The following STAT4 variants were observed in gnomAD, a reference collection of about 807,000 sequenced individuals.
The protein encoded by STAT4 is signal transducer and activator of transcription 4.
A neutral mutation model predicts 110.5 loss-of-function variants in STAT4; 42 were observed. The observed-to-expected ratio is 0.38, with a 90% CI of 0.30 to 0.49. The LOEUF (loss-of-function observed/expected upper bound fraction) is 0.49. Among genes scored for constraint, STAT4 ranks in the 20% least tolerant of loss-of-function variants. STAT4 has a pLI of 0.95. For missense variants in STAT4, 632 were observed against 887.9 expected, an observed-to-expected ratio of 0.71 and a Z score of 3.66; for synonymous variants, 284 against 302.2, an observed-to-expected ratio of 0.94 and a Z score of 0.63.
At chr2:191,049,921 A>C (rs1476316921) in intron 14 of STAT4, among the ~76,000 whole-genome samples, 1 of 152,212 alleles carries the variant, frequency 6.6e-6, no homozygotes, top group Non-Finnish European at 1.5e-5. Context: ...GTTCAGCGAG[A>C]AATCAACTTG....
intron 3 of STAT4, among the ~76,000 whole-genome samples, chr2:191,087,382 T>G (rs1291831004): frequency 1.3e-5 from 2 of 152,116 alleles, no homozygotes; most frequent in African/African-American, 2.4e-5. Context: ...CAAATATATT[T>G]CTTTGATGTG....
intron 14 of STAT4, chr2:191,041,708 G>A (rs1187235416): frequency 6.6e-6 from 1 of 151,990 alleles, no homozygotes; most frequent in Non-Finnish European, 1.5e-5. Flanking sequence ...AGGTAGGGGA[G>A]TGTAGAGTAA....
At chr2:191,075,839 T>TTC (rs1161106757) in intron 4 of STAT4, among the ~76,000 whole-genome samples, 5 of 128,086 alleles carry the variant, frequency 3.9e-5, no homozygotes, top group Admixed American at 2.3e-4. Context: ...CTTTCTTTCT[T>TTC]TTTTTTTTTT....
chr2:191,069,639 A>T, intron 6 of STAT4, 54 bp downstream of exon 6: 1 of 1,359,032 alleles, frequency 7.4e-7, no homozygotes, highest in Non-Finnish European at 1.0e-6. Context: ...AGAAAACTCT[A>T]CTCAAGATGC....
intron 3 of STAT4, among the ~76,000 whole-genome samples, chr2:191,118,598 A>G (rs1023556187): frequency 3.3e-5 from 5 of 152,192 alleles, no homozygotes; most frequent in African/African-American, 4.8e-5. Flanking sequence ...AATTTATTTA[A>G]TCAATGTGGA....
In STAT4 at chr2:191,046,327, T is replaced by C. The variant is rs549315542; in HGVS notation, c.1252-5179A>G. 6.6e-6 allele frequency among the ~76,000 whole-genome samples: 1 copy of C among 152,370 alleles called. No individual in the cohort carries two copies. Among genetic ancestry groups the C allele is most frequent in the South Asian group, 2.1e-4 (1 of 4,830 alleles). ...AGGTTTTAGCTCCTTGAAGTCTTAC[T>C]GGAACATGGTGGCATGGGTAAAGAT... On this transcript the variant is annotated intron_variant, in intron 14 of 23. Coordinates refer to ENST00000392320, the MANE Select transcript of STAT4 (RefSeq NM_003151.4). The surrounding 1 kb of genome is among the most constrained non-coding windows in gnomAD (Gnocchi z 4.6).
At chr2:191,148,720 T>G (rs1699519026) in intron 1 of STAT4, among the ~76,000 whole-genome samples, 2 of 152,216 alleles carry the variant, frequency 1.3e-5, no homozygotes, top group African/African-American at 4.8e-5. Context: ...AGAGTCAGCT[T>G]TATGTTCTTG....
intron 8 of STAT4, among the ~76,000 whole-genome samples, chr2:191,063,763 CA>C (rs1163504272): frequency 6.6e-6 from 1 of 152,162 alleles, no homozygotes; most frequent in African/African-American, 2.4e-5. Flanking sequence ...ATTGTTTTCA[CA>C]ACAGAGTACA....
In STAT4 at chr2:191,033,461, C is replaced by T. The variant is rs754973281; in HGVS notation, c.1852+29G>A. 3.8e-6 allele frequency: 6 copies of T among 1,584,900 alleles called. No homozygotes were observed. The South Asian group carries it at 4.6e-5, about 12-fold the overall frequency. ...TAACCAAATTTAAGAAAACTAATTT[C>T]ACATGAATAAACATTAGTGAGTATA... On this transcript the variant is annotated intron_variant, in intron 20 of 23. Transcript: ENST00000392320. The surrounding 1 kb of genome is among the most constrained non-coding windows in gnomAD (Gnocchi z 6.9).
rs1698312329 is a variant in STAT4, at chr2:191,107,451, G to A, written c.274-31126C>T. 1.3e-5 allele frequency among the ~76,000 whole-genome samples: 2 copies of A among 152,116 alleles called. No homozygotes were observed. Among genetic ancestry groups the A allele is most frequent in the South Asian group, 4.1e-4 (2 of 4,824 alleles). ...GTCCCCACAACAGCCCTATAGTAAT[G>A]GGCATAATACTATTACTATCCCCAT... On this transcript the variant is annotated intron_variant, in intron 3 of 23. Coordinates refer to ENST00000392320, the MANE Select transcript of STAT4 (RefSeq NM_003151.4). The surrounding 1 kb of genome is among the most constrained non-coding windows in gnomAD (Gnocchi z 4.2).
rs1164252660 is a variant in STAT4 at position 191,035,841 on chromosome 2, A to AAG, written c.1570+322_1570+323insCT. Among the ~76,000 whole-genome samples the AAG allele has an allele frequency of 6.6e-6, 1 of 152,190 alleles. No individual in the cohort carries two copies. Among genetic ancestry groups the AAG allele is most frequent in the Non-Finnish European group, 1.5e-5 (1 of 68,026 alleles). Reference sequence around the variant, plus strand: ...TACCCTGGAGACTGGGGTGGGGAATAGACAAGGAGGGGCTTTAGACCTGGA... The same window carrying AAG: ...TACCCTGGAGACTGGGGTGGGGAATAAGGACAAGGAGGGGCTTTAGACCTGGA... On this transcript the variant is annotated intron_variant, in intron 17 of 23. Transcript: ENST00000392320. The surrounding 1 kb of genome is among the most constrained non-coding windows in gnomAD (Gnocchi z 4.7).
At chr2:191,052,607 A>C (rs562189872) in intron 14 of STAT4, among the ~76,000 whole-genome samples, 2 of 152,294 alleles carry the variant, frequency 1.3e-5, no homozygotes, top group Admixed American at 1.3e-4. Context: ...CATAAAGATG[A>C]CAATATACTA....
In STAT4 at chr2:191,038,200, C is replaced by T. The variant is rs1177399782; in HGVS notation, c.1434+999G>A. On this transcript the variant is annotated intron_variant, in intron 16 of 23. Transcript: ENST00000392320. The stretch of plus-strand genomic sequence containing the variant: ...CAGCATTTAATCTCAGGGGCATTGG[C>T]TGTCCTTTGCCTTAAAGATCAGGCG... 2.0e-5 allele frequency among the ~76,000 whole-genome samples: 3 copies of T among 152,088 alleles called. No homozygotes were observed. The East Asian group carries it at 5.8e-4, about 29-fold the overall frequency.
intron 5 of STAT4, 39 bp downstream of exon 5, chr2:191,073,059 G>A (rs1559054432): frequency 1.3e-6 from 2 of 1,549,588 alleles, no homozygotes. Context: ...TATGGGGACA[G>A]TATCTAGACT....
intron 16 of STAT4, among the ~76,000 whole-genome samples, chr2:191,038,667 T>G (rs187711568): frequency 7.8e-4 from 119 of 152,278 alleles, no homozygotes; most frequent in African/African-American, 2.4e-3. Flanking sequence ...TTGAGGCCAA[T>G]TTTGGGTCAG....
At chr2:191,148,429 G>C (rs1699510830) in intron 1 of STAT4, among the ~76,000 whole-genome samples, 1 of 151,868 alleles carries the variant, frequency 6.6e-6, no homozygotes, top group South Asian at 2.1e-4. Context: ...ATGAACTCCT[G>C]TTCTACCTGC....
chr2:191,114,888 G>A (rs374634720), intron 3 of STAT4, among the ~76,000 whole-genome samples: 1 of 152,112 alleles, frequency 6.6e-6, no homozygotes. Context: ...TCCTACCCTC[G>A]CAGGCAAAAT....
chr2:191,047,889 C>A (rs1016668516), intron 14 of STAT4, among the ~76,000 whole-genome samples: 1 of 152,218 alleles, frequency 6.6e-6, no homozygotes, highest in East Asian at 1.9e-4. Flanking sequence ...TGGTCTTGAA[C>A]TCCTGAGCTC....
At position 191,051,026 on chromosome 2, in the gene STAT4, TTG is replaced by T. The variant is rs763414498; in HGVS notation, c.1251+3462_1251+3463del. Among the ~76,000 whole-genome samples, 19 of 152,042 alleles carry T rather than the reference TTG, an allele frequency of 1.2e-4. No homozygotes were observed. The highest frequency in any genetic ancestry group is 2.5e-4 in the Non-Finnish European group (17 of 67,994). On this transcript the variant is annotated intron_variant, in intron 14 of 23. Coordinates refer to ENST00000392320, the MANE Select transcript of STAT4 (RefSeq NM_003151.4). The surrounding 1 kb of genome is among the most constrained non-coding windows in gnomAD (Gnocchi z 5.6). ...AAAAGTAGAATGGAGCGACCCAAAA[TTG>T]TGTGTGTGCGTGTGGGTGTGTGTGT...
Sources: allele counts gnomAD v4.1 joint callset (sites outside exome capture counted in the v4.1 genomes callset), GRCh38; gene constraint gnomAD v4.1.1; non-coding constraint Gnocchi (gnomAD v3.1); transcripts MANE v1.5; gene names NCBI Gene and HGNC (gene_info 2026-07-23, HGNC 2026-07-21).